Variants in TENM2 observed in about 807,000 individuals in gnomAD.
The protein encoded by TENM2 is teneurin transmembrane protein 2, also known as teneurin-2.
In TENM2, 52 loss-of-function variants were observed where a neutral mutation model predicts 245.2. The ratio of observed to expected loss-of-function variants is 0.21; its 90% CI spans 0.17 to 0.27. The LOEUF (loss-of-function observed/expected upper bound fraction) is 0.27. Ranked by LOEUF, TENM2 falls within the 10% of genes least tolerant of loss-of-function variation. The pLI is 1.00. For synonymous variants in TENM2, 1,363 were observed against 1,438.9 expected (o/e 0.95, Z 1.19); for missense variants, 3,046 against 3,666.8 (o/e 0.83, Z 4.37).
intron 8 of TENM2, among the ~76,000 whole-genome samples, chr5:168,095,203 C>T (rs904491082): frequency 6.6e-6 from 1 of 152,160 alleles, no homozygotes; most frequent in Admixed American, 6.5e-5. Context: ...GAACAATTGT[C>T]TTCCATGGAA....
chr5:167,534,311 CAAG>C (rs1771706669), intron 2 of TENM2, among the ~76,000 whole-genome samples: 1 of 152,116 alleles, frequency 6.6e-6, no homozygotes, highest in Non-Finnish European at 1.5e-5. Flanking sequence ...GGCTTGGAGA[CAAG>C]AATGCTCCCT....
chr5:168,226,096 A>G, exon 24 of TENM2: 1 of 1,613,152 alleles, frequency 6.2e-7, no homozygotes, highest in Non-Finnish European at 8.5e-7. Flanking sequence ...AGCTATGACC[A>G]CGAAGGCCGC....
At chr5:167,545,181 A>C (rs1772472459) in intron 2 of TENM2, among the ~76,000 whole-genome samples, 1 of 152,124 alleles carries the variant, frequency 6.6e-6, no homozygotes, top group South Asian at 2.1e-4. Flanking sequence ...GAGCTTGGCA[A>C]ATGTCCCTAC....
At chr5:167,247,022 A>G in the TENM2 span, among the ~76,000 whole-genome samples, 1 of 152,152 alleles carries the variant, frequency 6.6e-6, no homozygotes, top group Non-Finnish European at 1.5e-5. Flanking sequence ...AATAAAGCAT[A>G]ATTTCAGAGA....
At chr5:167,533,734 A>T (rs1269280970) in intron 2 of TENM2, among the ~76,000 whole-genome samples, 1 of 152,174 alleles carries the variant, frequency 6.6e-6, no homozygotes, top group Non-Finnish European at 1.5e-5. Context: ...TGCTGGGATT[A>T]CAGGAGTGAG....
At chr5:167,628,116 C>T (rs1778632415) in intron 2 of TENM2, among the ~76,000 whole-genome samples, 1 of 152,142 alleles carries the variant, frequency 6.6e-6, no homozygotes, top group South Asian at 2.1e-4. Context: ...TTGCTGTCAC[C>T]AACTTGAAAC....
chr5:167,466,052 C>T (rs1766630996), intron 2 of TENM2, among the ~76,000 whole-genome samples: 2 of 152,076 alleles, frequency 1.3e-5, no homozygotes, highest in Non-Finnish European at 2.9e-5. Flanking sequence ...TTTAGACTTC[C>T]CCCTCTCCCC....
intron 2 of TENM2, among the ~76,000 whole-genome samples, chr5:167,648,837 A>G (rs279396): frequency 0.065 from 9,951 of 152,234 alleles, 1,025 homozygotes; most frequent in East Asian, 0.44. Context: ...TCTGTTCTCA[A>G]AATGCCTGTA....
At chr5:167,039,642 C>A in the TENM2 span, among the ~76,000 whole-genome samples, 48 of 151,718 alleles carry the variant, frequency 3.2e-4, no homozygotes, top group Admixed American at 4.6e-4. Context: ...TGACATCAGA[C>A]TTTGATTGGG....
intron 25 of TENM2, among the ~76,000 whole-genome samples, chr5:168,242,933 G>T (rs1766230754): frequency 6.6e-6 from 1 of 151,468 alleles, no homozygotes; most frequent in Non-Finnish European, 1.5e-5. Context: ...CTCCAGCCTG[G>T]GCAACAGAGT....
At chr5:167,122,649 AT>A in the TENM2 span, among the ~76,000 whole-genome samples, 1 of 152,198 alleles carries the variant, frequency 6.6e-6, no homozygotes, top group Admixed American at 6.5e-5. Flanking sequence ...TGAATGACTA[AT>A]GGTAGAATTA....
chr5:167,747,798 T>C (rs1424961524), intron 2 of TENM2, among the ~76,000 whole-genome samples: 1 of 152,222 alleles, frequency 6.6e-6, no homozygotes, highest in Admixed American at 6.5e-5. Flanking sequence ...ATCTTATTTC[T>C]GACATTTATT....
At chr5:167,754,473 G>A (rs1272412818) in intron 2 of TENM2, among the ~76,000 whole-genome samples, 4 of 152,128 alleles carry the variant, frequency 2.6e-5, no homozygotes, top group Non-Finnish European at 5.9e-5. Context: ...CTTGAGGGAA[G>A]ATGATATTTG....
At chr5:167,969,911 G>C (rs1019094416) in intron 4 of TENM2, among the ~76,000 whole-genome samples, 8 of 152,152 alleles carry the variant, frequency 5.3e-5, no homozygotes, top group Non-Finnish European at 1.0e-4. Context: ...GTGCCCATGT[G>C]GGGGCCTCAT....
the TENM2 span, among the ~76,000 whole-genome samples, chr5:167,094,742 T>C: frequency 6.6e-6 from 1 of 152,200 alleles, no homozygotes; most frequent in East Asian, 1.9e-4. Flanking sequence ...TCAAATCTAA[T>C]GTACGGGCTG....
intron 12 of TENM2, among the ~76,000 whole-genome samples, chr5:168,134,281 G>T (rs545887256): frequency 8.6e-4 from 131 of 152,298 alleles, no homozygotes; most frequent in African/African-American, 3.0e-3. Flanking sequence ...ATACCAAATA[G>T]CACCTATCTC....
intron 9 of TENM2, among the ~76,000 whole-genome samples, chr5:168,109,755 T>C (rs575387380): frequency 6.6e-6 from 1 of 152,328 alleles, no homozygotes; most frequent in East Asian, 1.9e-4. Flanking sequence ...TGAACTTTGC[T>C]TGGACTGCCC....
chr5:167,632,430 A>T (rs1778934706), intron 2 of TENM2, among the ~76,000 whole-genome samples: 1 of 152,234 alleles, frequency 6.6e-6, no homozygotes, highest in Non-Finnish European at 1.5e-5. Flanking sequence ...ACACTGGAAA[A>T]ATCAATAATT....
intron 5 of TENM2, among the ~76,000 whole-genome samples, chr5:167,995,482 A>C (rs1176481607): frequency 1.3e-5 from 2 of 152,186 alleles, no homozygotes; most frequent in Non-Finnish European, 2.9e-5. Context: ...AATGAGTGAT[A>C]TAATGGGCCA....
Sources: gnomAD v4.1 joint callset for allele counts (sites outside exome capture counted in the v4.1 genomes callset) on GRCh38, gnomAD v4.1.1 for gene constraint, MANE v1.5 for transcripts, NCBI Gene and HGNC (gene_info 2026-07-23, HGNC 2026-07-21) for gene names.